The following RUFY2 variants were observed in gnomAD, a reference collection of about 807,000 sequenced individuals.
The protein encoded by RUFY2 is RUN and FYVE domain containing 2.
Under a neutral mutation model 94.4 loss-of-function variants are expected in RUFY2, and 49 were observed. The ratio of observed to expected loss-of-function variants is 0.52; its 90% CI spans 0.41 to 0.66. The LOEUF (loss-of-function observed/expected upper bound fraction) is 0.66, where lower values mean the gene tolerates loss of function less well. RUFY2 is among the 30% of genes least tolerant of loss of function. The pLI, the probability that RUFY2 is intolerant of heterozygous loss-of-function variation, is 0.00. For synonymous variants in RUFY2, 255 were observed against 235.7 expected (o/e 1.08, Z -0.75); for missense variants, 541 against 692.8 (o/e 0.78, Z 2.46).
chr10:68,349,347 C>T (rs548079581), intron 16 of RUFY2, among the ~76,000 whole-genome samples: 1 of 151,860 alleles, frequency 6.6e-6, no homozygotes, highest in Non-Finnish European at 1.5e-5. Context: ...GAGGCCCCCA[C>T]CATCTCTAAA....
intron 1 of RUFY2, chr10:68,406,976 G>A: frequency 1.3e-6 from 2 of 1,537,074 alleles, no homozygotes; most frequent in Non-Finnish European, 1.8e-6. Flanking sequence ...GAACCCGGGC[G>A]GGAACGGGCC....
At chr10:68,350,241 C>T (rs2046572498) in intron 16 of RUFY2, among the ~76,000 whole-genome samples, 1 of 151,818 alleles carries the variant, frequency 6.6e-6, no homozygotes, top group Non-Finnish European at 1.5e-5. Flanking sequence ...AACTCCTGAC[C>T]TCAGGCCAAT....
chr10:68,404,902 A>G, intron 1 of RUFY2, 58 bp from the exon 2 acceptor site: 1 of 1,379,160 alleles, frequency 7.3e-7, no homozygotes. Flanking sequence ...TGAAAAATAT[A>G]CAAACCATTC....
At chr10:68,392,856 A>C (rs1247674086) in intron 7 of RUFY2, among the ~76,000 whole-genome samples, 1 of 147,628 alleles carries the variant, frequency 6.8e-6, no homozygotes, top group East Asian at 2.0e-4. Context: ...TGAACCTGGG[A>C]GGCGGAGGTT....
chr10:68,347,709 G>C (rs1364891610), intron 16 of RUFY2, among the ~76,000 whole-genome samples: 2 of 152,134 alleles, frequency 1.3e-5, no homozygotes, highest in Admixed American at 6.5e-5. Context: ...TGAAGGAGGA[G>C]CCTCAATACT....
At chr10:68,387,913 G>C (rs1338428685) in intron 7 of RUFY2, among the ~76,000 whole-genome samples, 1 of 152,092 alleles carries the variant, frequency 6.6e-6, no homozygotes, top group African/African-American at 2.4e-5. Context: ...TGAGGCAGGA[G>C]AATCGATTGA....
chr10:68,392,640 G>A (rs2050086611), intron 7 of RUFY2, among the ~76,000 whole-genome samples: 1 of 151,408 alleles, frequency 6.6e-6, no homozygotes, highest in East Asian at 1.9e-4. Context: ...CCTGACTCTC[G>A]GGCCAGGCGT....
chr10:68,401,421 C>G (rs538643910), intron 3 of RUFY2, among the ~76,000 whole-genome samples, 199 bp downstream of exon 3: 1 of 152,098 alleles, frequency 6.6e-6, no homozygotes, highest in East Asian at 1.9e-4. Flanking sequence ...TAATTTTGAT[C>G]GAAGAGGCTA....
At position 68,345,336 on chromosome 10, in the gene RUFY2, C is replaced by A. The variant is rs144567346; in HGVS notation, c.*432G>T. ...GAAATCTTACAAAGATAATGAAAAT[C>A]TGTTGAATTAGAATATTAATAATTT... On this transcript the variant is annotated 3_prime_UTR_variant, in exon 18 of 18. Transcript: ENST00000602465. 1 of 328,598 alleles carries A rather than the reference C, an allele frequency of 3.0e-6. No homozygotes were observed. The highest frequency in any genetic ancestry group is 4.8e-5 in the Admixed American group (1 of 20,710). 20.4% of individuals were successfully genotyped at this position (328,598 alleles called of 1,614,324 possible).
At chr10:68,367,717 TCTCCCTCC>T (rs1186165265) in intron 13 of RUFY2, among the ~76,000 whole-genome samples, 2 of 148,766 alleles carry the variant, frequency 1.3e-5, no homozygotes, top group Non-Finnish European at 3.0e-5. Context: ...TCTCTATCTC[TCTCCCTCC>T]CTCCCTCCCT....
chr10:68,368,644 A>G (rs939685086), intron 13 of RUFY2, among the ~76,000 whole-genome samples: 15 of 150,992 alleles, frequency 9.9e-5, no homozygotes, highest in Non-Finnish European at 1.5e-5. Flanking sequence ...GGGCAACAAG[A>G]GCAAAACTCC....
At chr10:68,397,285 G>A (rs982012305) in intron 3 of RUFY2, among the ~76,000 whole-genome samples, 1 of 152,250 alleles carries the variant, frequency 6.6e-6, no homozygotes, top group Non-Finnish European at 1.5e-5. Context: ...GAATGCTGTA[G>A]GCAATTATTA....
chr10:68,371,117 G>C lies in RUFY2; in HGVS notation c.1325+5736C>G, dbSNP rs971255989. Among the ~76,000 whole-genome samples the C allele has an allele frequency of 3.7e-5, 5 of 134,670 alleles. 1 individual carries two copies. Among genetic ancestry groups the C allele is most frequent in the Non-Finnish European group, 7.8e-5 (5 of 63,808 alleles). The allele number at this position is 134,670 out of a possible 152,430, so 88.3% of individuals were successfully genotyped here. On this transcript the variant is annotated intron_variant, in intron 13 of 17. Transcript: ENST00000602465. ...ACTGCACTCCAGCCTGGGTGACAGAGAGAGGCTCTGTCTCAAAAAAAAAAA... is the reference window on the plus strand; with the variant it reads ...ACTGCACTCCAGCCTGGGTGACAGACAGAGGCTCTGTCTCAAAAAAAAAAA...
In RUFY2 at chr10:68,365,572, T is replaced by C. The variant is rs556144792; in HGVS notation, c.1326-1459A>G. ...CCACCAGAGAGCCTGAACTGTAAAATTGGGCAAAGAATTAGCTTACTCGTT... is the reference window on the plus strand; with the variant it reads ...CCACCAGAGAGCCTGAACTGTAAAACTGGGCAAAGAATTAGCTTACTCGTT... On this transcript the variant is annotated intron_variant, in intron 13 of 17. Transcript: ENST00000602465. Among the ~76,000 whole-genome samples the C allele has an allele frequency of 3.4e-4, 52 of 152,324 alleles. 1 individual carries two copies. In the South Asian group the frequency reaches 9.3e-3, roughly 27 times the overall value.
chr10:68,350,802 TC>T (rs1469385230), intron 16 of RUFY2, among the ~76,000 whole-genome samples: 2 of 151,952 alleles, frequency 1.3e-5, no homozygotes, highest in African/African-American at 4.8e-5. Flanking sequence ...AACCTCCGCC[TC>T]CCAGGTTCAA....
intron 10 of RUFY2, 34 bp from the exon 11 acceptor site, chr10:68,381,433 A>C (rs916653912): frequency 6.3e-7 from 1 of 1,576,834 alleles, no homozygotes; most frequent in East Asian, 2.3e-5. Context: ...TTCACATGCC[A>C]CTTCAGGATG....
intron 13 of RUFY2, among the ~76,000 whole-genome samples, chr10:68,364,928 AAAAC>A (rs2047699408): frequency 6.6e-6 from 1 of 152,102 alleles, no homozygotes. Flanking sequence ...GACTAAAAAA[AAAAC>A]AAACACAAAT....
intron 13 of RUFY2, among the ~76,000 whole-genome samples, chr10:68,369,031 G>A (rs551423787): frequency 6.6e-6 from 1 of 152,244 alleles, no homozygotes; most frequent in African/African-American, 2.4e-5. Flanking sequence ...TGGCAATGAT[G>A]AGGTAAAGTT....
chr10:68,346,199 G>A, intron 16 of RUFY2, 115 bp from the exon 17 acceptor site: 1 of 775,148 alleles, frequency 1.3e-6, no homozygotes, highest in East Asian at 2.7e-5. Flanking sequence ...TGGAAAATAA[G>A]TTATTTTCTT....
Sources: gnomAD v4.1 joint callset for allele counts (sites outside exome capture counted in the v4.1 genomes callset) on GRCh38, gnomAD v4.1.1 for gene constraint, MANE v1.5 for transcripts, NCBI Gene and HGNC (gene_info 2026-07-23, HGNC 2026-07-21) for gene names.